Variants in MARCHF1 observed in about 807,000 individuals in gnomAD.
MARCHF1 encodes E3 ubiquitin-protein ligase MARCHF1.
MARCHF1 carries 40 observed loss-of-function variants against 54.2 expected under a neutral mutation model. The observed-to-expected ratio is 0.74, with a 90% CI of 0.57 to 0.96. The LOEUF (loss-of-function observed/expected upper bound fraction) is 0.96. MARCHF1 is among the 40% of genes least tolerant of loss of function. The pLI is 0.00. For synonymous variants in MARCHF1, 236 were observed against 236.3 expected (o/e 1.00, Z 0.01); for missense variants, 586 against 656.5 (o/e 0.89, Z 1.17).
chr4:164,184,087 T>TA (rs1180553566), intron 1 of MARCHF1, among the ~76,000 whole-genome samples: 4 of 152,034 alleles, frequency 2.6e-5, no homozygotes, highest in Non-Finnish European at 5.9e-5. Context: ...TGGGAAAACA[T>TA]AAGAAATTTT....
intron 3 of MARCHF1, among the ~76,000 whole-genome samples, chr4:163,967,661 T>C (rs1240178367): frequency 6.6e-5 from 10 of 152,216 alleles, no homozygotes; most frequent in African/African-American, 2.4e-4. Flanking sequence ...AGAGGAGCTC[T>C]ATCTACCTAT....
chr4:164,065,763 G>T (rs1174765770), intron 2 of MARCHF1, among the ~76,000 whole-genome samples: 2 of 152,156 alleles, frequency 1.3e-5, no homozygotes, highest in African/African-American at 4.8e-5. Context: ...GAAGGCTTGA[G>T]AGCCCCAGGC....
intron 2 of MARCHF1, among the ~76,000 whole-genome samples, chr4:164,080,397 T>A (rs186079843): frequency 3.3e-5 from 5 of 152,350 alleles, no homozygotes; most frequent in Admixed American, 2.6e-4. Flanking sequence ...TTAATAGATC[T>A]TTATTGTACT....
At chr4:163,823,259 T>C (rs1045087653) in intron 4 of MARCHF1, among the ~76,000 whole-genome samples, 1 of 151,796 alleles carries the variant, frequency 6.6e-6, no homozygotes, top group African/African-American at 2.4e-5. Context: ...ACCTCACAGC[T>C]ACCCCAGTAA....
chr4:163,631,394 T>C (rs1338876304), intron 5 of MARCHF1, among the ~76,000 whole-genome samples: 1 of 152,152 alleles, frequency 6.6e-6, no homozygotes, highest in Admixed American at 6.5e-5. Flanking sequence ...GCTTTCACCG[T>C]GTTGGCCAGG....
At chr4:163,956,416 T>C (rs1341409327) in intron 3 of MARCHF1, among the ~76,000 whole-genome samples, 1 of 152,094 alleles carries the variant, frequency 6.6e-6, no homozygotes, top group Non-Finnish European at 1.5e-5. Context: ...GTAAATTAGC[T>C]AACAAAGGAA....
intron 5 of MARCHF1, among the ~76,000 whole-genome samples, chr4:163,619,634 C>T (rs1741616991): frequency 6.6e-6 from 1 of 151,712 alleles, no homozygotes; most frequent in African/African-American, 2.4e-5. Flanking sequence ...TTTCTCGGTA[C>T]AGACAAATTT....
intron 2 of MARCHF1, among the ~76,000 whole-genome samples, chr4:164,064,992 G>A (rs1427091606): frequency 6.6e-6 from 1 of 152,150 alleles, no homozygotes; most frequent in Non-Finnish European, 1.5e-5. Flanking sequence ...GCATCCCAGG[G>A]ATAAAGCCAG....
At chr4:163,990,724 G>T (rs545638328) in intron 2 of MARCHF1, among the ~76,000 whole-genome samples, 3 of 152,150 alleles carry the variant, frequency 2.0e-5, no homozygotes, top group Non-Finnish European at 4.4e-5. Context: ...CTATCTAGAA[G>T]GACTGTCTTA....
At chr4:163,925,030 A>T (rs1278939547) in intron 3 of MARCHF1, among the ~76,000 whole-genome samples, 2 of 151,850 alleles carry the variant, frequency 1.3e-5, no homozygotes, top group Non-Finnish European at 2.9e-5. Flanking sequence ...TAATGTCCCA[A>T]AGTAACTGTT....
At chr4:163,999,245 G>A (rs752694945) in intron 2 of MARCHF1, among the ~76,000 whole-genome samples, 20 of 151,116 alleles carry the variant, frequency 1.3e-4, no homozygotes, top group African/African-American at 3.9e-4. Flanking sequence ...AAAAAAAACC[G>A]ACAAAAAATG....
chr4:164,225,932 C>T (rs1184628017), intron 1 of MARCHF1, among the ~76,000 whole-genome samples: 1 of 152,042 alleles, frequency 6.6e-6, no homozygotes, highest in African/African-American at 2.4e-5. Flanking sequence ...ATGCAAATTT[C>T]AGTCATTCCA....
chr4:163,659,900 A>G (rs762949578), intron 5 of MARCHF1, among the ~76,000 whole-genome samples: 8 of 152,122 alleles, frequency 5.3e-5, no homozygotes, highest in East Asian at 3.9e-4. Context: ...TTGGGAAACA[A>G]CAACAGCTGC....
At chr4:164,090,369 T>C (rs948162039) in intron 2 of MARCHF1, among the ~76,000 whole-genome samples, 1 of 152,214 alleles carries the variant, frequency 6.6e-6, no homozygotes, top group South Asian at 2.1e-4. Context: ...TGTGAATTAT[T>C]CTAAAATAAT....
At chr4:163,602,359 T>A (rs539844896) in intron 7 of MARCHF1, among the ~76,000 whole-genome samples, 2 of 152,126 alleles carry the variant, frequency 1.3e-5, no homozygotes, top group Non-Finnish European at 2.9e-5. Context: ...CACTGAATTA[T>A]GTTAGTAATG....
chr4:163,750,607 T>C (rs545437605), intron 4 of MARCHF1, among the ~76,000 whole-genome samples: 1 of 152,254 alleles, frequency 6.6e-6, no homozygotes, highest in African/African-American at 2.4e-5. Flanking sequence ...CATTGAGTTA[T>C]TCCAAACTTA....
intron 3 of MARCHF1, among the ~76,000 whole-genome samples, chr4:163,957,351 A>G (rs1752251772): frequency 6.6e-6 from 1 of 152,104 alleles, no homozygotes; most frequent in Admixed American, 6.6e-5. Context: ...CATGCAGCAG[A>G]ACAAACTAGT....
intron 1 of MARCHF1, chr4:164,197,778 C>A: frequency 6.2e-7 from 1 of 1,605,502 alleles, no homozygotes; most frequent in African/African-American, 1.3e-5. Flanking sequence ...CTCGAACCCA[C>A]GGCCGCACGT....
intron 3 of MARCHF1, among the ~76,000 whole-genome samples, chr4:163,891,437 A>G (rs576233144): frequency 1.3e-5 from 2 of 152,186 alleles, no homozygotes; most frequent in Admixed American, 6.5e-5. Flanking sequence ...AAAGGTTAAC[A>G]TAAATTTCCA....
Sources: gnomAD v4.1 joint callset for allele counts (sites outside exome capture counted in the v4.1 genomes callset) on GRCh38, gnomAD v4.1.1 for gene constraint, MANE v1.5 for transcripts, NCBI Gene and HGNC (gene_info 2026-07-23, HGNC 2026-07-21) for gene names.